ORC5: variants seen among roughly 807,000 people sequenced by gnomAD.
The protein encoded by ORC5 is origin recognition complex subunit 5, also known as protein phosphatase 1, regulatory subunit 117.
A neutral mutation model predicts 58.8 loss-of-function variants in ORC5; 39 were observed. That is an observed-to-expected ratio of 0.66 (90% CI 0.51 to 0.87). ORC5 has a LOEUF of 0.87. Ranked by LOEUF, ORC5 falls within the 40% of genes least tolerant of loss-of-function variation. The probability of loss-of-function intolerance (pLI) is 0.00; values close to 1 mark genes in which losing one functional copy is unlikely to be tolerated. For synonymous variants in ORC5, 218 were observed against 177.6 expected (o/e 1.23, Z -1.81); for missense variants, 493 against 506.3 (o/e 0.97, Z 0.25).
rs959989924 is a variant in ORC5 at position 104,129,836 on chromosome 7, A to T, written c.1263-2943T>A. 6.6e-6 allele frequency among the ~76,000 whole-genome samples: 1 copy of T among 152,254 alleles called. No individual in the cohort carries two copies. The highest frequency in any genetic ancestry group is 2.4e-5 in the African/African-American group (1 of 41,468). On this transcript the variant is annotated intron_variant, in intron 13 of 13. Transcript: ENST00000297431. The surrounding 1 kb of genome is among the most constrained non-coding windows in gnomAD (Gnocchi z 4.9). Reference sequence around the variant, plus strand: ...CTAAAGTAACCAGCTGGAAAGAAATACAGTAAACACGAATAGTGTGGTGGC... The same window carrying T: ...CTAAAGTAACCAGCTGGAAAGAAATTCAGTAAACACGAATAGTGTGGTGGC...
chr7:104,141,928 A>G (rs1027841682), intron 12 of ORC5, among the ~76,000 whole-genome samples: 13 of 152,160 alleles, frequency 8.5e-5, no homozygotes, highest in Admixed American at 4.6e-4. Context: ...TGCAATCCCC[A>G]TCAAAATTCC....
At chr7:104,186,763 T>G (rs1195881632) in intron 6 of ORC5, among the ~76,000 whole-genome samples, 1 of 152,188 alleles carries the variant, frequency 6.6e-6, no homozygotes, top group African/African-American at 2.4e-5. Context: ...GTTCTATATA[T>G]AGAGAAAACT....
At chr7:104,135,491 C>T (rs1330784938) in intron 13 of ORC5, among the ~76,000 whole-genome samples, 2 of 152,144 alleles carry the variant, frequency 1.3e-5, no homozygotes, top group African/African-American at 4.8e-5. Context: ...GGGGGTCTCA[C>T]TACGTTGCCC....
Position 104,165,235 on chromosome 7 carries a change from C to G in ORC5, c.1038G>C (p.Lys346Asn). 1 of 1,462,254 alleles carries G rather than the reference C, an allele frequency of 6.8e-7. No homozygotes were observed. Among genetic ancestry groups the G allele is most frequent in the Non-Finnish European group, 9.4e-7 (1 of 1,060,008 alleles). The allele number at this position is 1,462,254 out of a possible 1,614,324, so 90.6% of individuals were successfully genotyped here. The change falls in exon 11 of 14, where the codon AAG becomes AAC. Residue 346 changes from lysine to asparagine, a missense_variant and splice_region_variant. Physicochemically the swap from Lys to Asn is moderately conservative, Grantham distance 94. This residue lies in a region of ORC5 where 412 missense variants were observed against 403.7 expected (regional missense o/e 1.02). Transcript: ENST00000297431. The part of the protein sequence containing the change: ...KKTNFLKKHE[K>N]TSNHLLGPKP... ...CCATTAGAAATTAAAATGTAAATAC[C>G]TTTTCGTGTTTTTTTAGAAAGTTGG...
chr7:104,198,956 G>C (rs1467163799), intron 3 of ORC5, among the ~76,000 whole-genome samples: 1 of 152,232 alleles, frequency 6.6e-6, no homozygotes, highest in Non-Finnish European at 1.5e-5. Context: ...TGTTGCTTCA[G>C]AGAGTGCAAG....
rs1798488511 is a variant in ORC5, at chr7:104,129,970, TTTG to T, written c.1263-3080_1263-3078del. ...TTTTGCCTTTATCCTTTTATTTCATTTTGTTGATTCATTAAAATACTTTTTCTT... is the reference window on the plus strand; with the variant it reads ...TTTTGCCTTTATCCTTTTATTTCATTTTGATTCATTAAAATACTTTTTCTT... On this transcript the variant is annotated intron_variant, in intron 13 of 13. Coordinates refer to ENST00000297431, the MANE Select transcript of ORC5 (RefSeq NM_002553.4). This position sits in a 1 kb window ranked among gnomAD's most constrained non-coding sequence, Gnocchi z 4.9. Among the ~76,000 whole-genome samples the T allele has an allele frequency of 6.6e-6, 1 of 152,220 alleles. No individual in the cohort carries two copies. The highest frequency in any genetic ancestry group is 1.5e-5 in the Non-Finnish European group (1 of 68,032).
intron 13 of ORC5, among the ~76,000 whole-genome samples, chr7:104,132,031 C>T (rs1798519922): frequency 6.6e-6 from 1 of 152,118 alleles, no homozygotes; most frequent in Admixed American, 6.5e-5. Context: ...ATGGGCAACA[C>T]AATAAATGTT....
intron 12 of ORC5, among the ~76,000 whole-genome samples, chr7:104,137,234 G>A (rs2115753699): frequency 6.7e-6 from 1 of 149,372 alleles, no homozygotes; most frequent in South Asian, 2.1e-4. Flanking sequence ...TTCCCAAGTG[G>A]CTGGGACTAC....
intron 6 of ORC5, among the ~76,000 whole-genome samples, chr7:104,185,989 T>A (rs1336771636): frequency 6.6e-6 from 1 of 152,110 alleles, no homozygotes; most frequent in African/African-American, 2.4e-5. Context: ...AGAAAAATCT[T>A]CCAAATTCTA....
chr7:104,191,855 A>G (rs1018774463), intron 5 of ORC5, among the ~76,000 whole-genome samples: 1 of 152,158 alleles, frequency 6.6e-6, no homozygotes, highest in African/African-American at 2.4e-5. Context: ...ATGTGCAAAG[A>G]AAAGCCATTC....
chr7:104,162,524 G>C (rs1275784885), intron 11 of ORC5, among the ~76,000 whole-genome samples: 1 of 152,198 alleles, frequency 6.6e-6, no homozygotes, highest in Non-Finnish European at 1.5e-5. Flanking sequence ...ACATGCATGG[G>C]AGTAACTATT....
At chr7:104,159,081 T>G (rs1798979005) in intron 12 of ORC5, among the ~76,000 whole-genome samples, 1 of 151,510 alleles carries the variant, frequency 6.6e-6, no homozygotes. Context: ...CCAACCCAAA[T>G]GTCCAACAAT....
chr7:104,196,869 A>C (rs1212102304), intron 4 of ORC5, among the ~76,000 whole-genome samples: 1 of 152,172 alleles, frequency 6.6e-6, no homozygotes, highest in Non-Finnish European at 1.5e-5. Context: ...GCTCAAACTA[A>C]ATCTTTATTC....
intron 12 of ORC5, among the ~76,000 whole-genome samples, chr7:104,142,689 C>T (rs766136087): frequency 2.6e-5 from 4 of 151,972 alleles, no homozygotes; most frequent in East Asian, 1.9e-4. Flanking sequence ...TCTAATAAAA[C>T]GAACAATGAT....
chr7:104,152,966 T>C (rs894690011), intron 12 of ORC5, among the ~76,000 whole-genome samples: 11 of 152,272 alleles, frequency 7.2e-5, no homozygotes, highest in Admixed American at 5.9e-4. Context: ...CAATTATACA[T>C]TCACAAAGGC....
intron 12 of ORC5, among the ~76,000 whole-genome samples, chr7:104,157,997 G>A (rs188315086): frequency 1.3e-5 from 2 of 152,004 alleles, no homozygotes; most frequent in South Asian, 2.1e-4. Context: ...TAAGATATCA[G>A]GTGATTTTAA....
intron 12 of ORC5, among the ~76,000 whole-genome samples, chr7:104,150,021 T>C (rs194868): frequency 0.61 from 92,755 of 151,994 alleles, 30,344 homozygotes; most frequent in African/African-American, 0.85. Flanking sequence ...TTATTTATGT[T>C]GTAACAATAG....
At position 104,148,949 on chromosome 7, in the gene ORC5, G is replaced by A. The variant is rs146685074; in HGVS notation, c.1150-12056C>T. ...TTTGGGAGGCTGAGGCAGGAGAATC[G>A]CTTGAATCTGGGAGGCAGAGGTTGC... is the stretch of plus-strand genomic sequence containing the variant. On this transcript the variant is annotated intron_variant, in intron 12 of 13. Transcript: ENST00000297431. 6.0e-3 allele frequency among the ~76,000 whole-genome samples: 907 copies of A among 151,510 alleles called. 8 individuals are homozygous for A. Among genetic ancestry groups the A allele is most frequent in the African/African-American group, 0.021 (859 of 41,256 alleles).
At chr7:104,197,006 C>T (rs1799814957) in intron 4 of ORC5, among the ~76,000 whole-genome samples, 2 of 152,186 alleles carry the variant, frequency 1.3e-5, no homozygotes, top group South Asian at 2.1e-4. Flanking sequence ...TTTCACCTGA[C>T]ACAAATGCCT....
Sources: allele counts gnomAD v4.1 joint callset (sites outside exome capture counted in the v4.1 genomes callset), GRCh38; gene constraint gnomAD v4.1.1; regional missense constraint gnomAD v4.1.1; non-coding constraint Gnocchi (gnomAD v3.1); transcripts MANE v1.5; gene names NCBI Gene and HGNC (gene_info 2026-07-23, HGNC 2026-07-21).